The following AOPEP variants were observed in gnomAD, a reference collection of about 807,000 sequenced individuals.
AOPEP encodes aminopeptidase O.
A neutral mutation model predicts 98.1 loss-of-function variants in AOPEP; 77 were observed. That is an observed-to-expected ratio of 0.78 (90% CI 0.65 to 0.95). The LOEUF (loss-of-function observed/expected upper bound fraction) is 0.95, where lower values mean the gene tolerates loss of function less well. AOPEP is among the 40% of genes least tolerant of loss of function. The probability of loss-of-function intolerance (pLI) is 0.00; values close to 1 mark genes in which losing one functional copy is unlikely to be tolerated. For missense variants in AOPEP, 1,024 were observed against 1,024.7 expected, an observed-to-expected ratio of 1.00 and a Z score of 0.01; for synonymous variants, 346 against 365.3, an observed-to-expected ratio of 0.95 and a Z score of 0.60.
At chr9:95,149,242 G>A in the AOPEP span, among the ~76,000 whole-genome samples, 1 of 151,942 alleles carries the variant, frequency 6.6e-6, no homozygotes, top group African/African-American at 2.4e-5. Flanking sequence ...AAAACTCTTG[G>A]GAATGTATGA....
chr9:94,762,923 T>C (rs1359558419), intron 2 of AOPEP, among the ~76,000 whole-genome samples: 1 of 152,236 alleles, frequency 6.6e-6, no homozygotes, highest in Non-Finnish European at 1.5e-5. Flanking sequence ...TTTATGAATA[T>C]AATTGTGTGA....
intron 7 of AOPEP, among the ~76,000 whole-genome samples, chr9:94,953,929 T>A (rs184475423): frequency 1.5e-3 from 235 of 152,290 alleles, no homozygotes; most frequent in Non-Finnish European, 2.6e-3. Flanking sequence ...TACATTTTAT[T>A]TAAAATATTT....
At chr9:94,834,778 G>A (rs2041352035) in intron 5 of AOPEP, among the ~76,000 whole-genome samples, 1 of 151,614 alleles carries the variant, frequency 6.6e-6, no homozygotes, top group Admixed American at 6.6e-5. Flanking sequence ...GGGCAACAGA[G>A]CGAGACTGTC....
At chr9:95,098,428 T>G in the AOPEP span, among the ~76,000 whole-genome samples, 11 of 152,186 alleles carry the variant, frequency 7.2e-5, no homozygotes, top group Admixed American at 6.5e-5. Context: ...CACGAAACCC[T>G]GCCAACCATG....
chr9:94,796,344 C>T (rs141858402), intron 4 of AOPEP, among the ~76,000 whole-genome samples: 3 of 152,302 alleles, frequency 2.0e-5, no homozygotes, highest in Non-Finnish European at 4.4e-5. Flanking sequence ...CTTAGTTCTG[C>T]CCTGGCTGTG....
chr9:94,999,179 T>G (rs1185581947), intron 11 of AOPEP, among the ~76,000 whole-genome samples: 1 of 151,992 alleles, frequency 6.6e-6, no homozygotes, highest in Non-Finnish European at 1.5e-5. Flanking sequence ...AATACTTTAT[T>G]GAGTTATCCT....
chr9:94,875,685 G>C (rs1239475172), intron 5 of AOPEP, among the ~76,000 whole-genome samples: 1 of 152,212 alleles, frequency 6.6e-6, no homozygotes, highest in South Asian at 2.1e-4. Flanking sequence ...AAGAACTGAA[G>C]TAGGTGAGTA....
intron 3 of AOPEP, among the ~76,000 whole-genome samples, chr9:94,792,561 T>G (rs1269183678): frequency 2.0e-5 from 3 of 152,036 alleles, no homozygotes; most frequent in Non-Finnish European, 2.9e-5. Context: ...GACCCAGACC[T>G]TCCTGGTTGC....
At chr9:94,763,225 T>C (rs186512368) in intron 2 of AOPEP, 44 of 283,354 alleles carry the variant, frequency 1.6e-4, no homozygotes, top group African/African-American at 1.0e-3. Flanking sequence ...TCACTTACTG[T>C]ATGCAAAGCT....
intron 1 of AOPEP, among the ~76,000 whole-genome samples, chr9:94,727,579 A>G (rs1829491876): frequency 6.6e-6 from 1 of 152,238 alleles, no homozygotes; most frequent in South Asian, 2.1e-4. Flanking sequence ...TTATTACAAA[A>G]CCAGACAGAA....
At chr9:94,799,930 T>A (rs1051342604) in intron 4 of AOPEP, among the ~76,000 whole-genome samples, 1 of 151,934 alleles carries the variant, frequency 6.6e-6, no homozygotes, top group Non-Finnish European at 1.5e-5. Context: ...ATAAAAGACA[T>A]GTTAGCAGGT....
chr9:95,064,047 T>C (rs2067601721), intron 14 of AOPEP, among the ~76,000 whole-genome samples: 1 of 152,106 alleles, frequency 6.6e-6, no homozygotes, highest in Non-Finnish European at 1.5e-5. Context: ...GAATGTAACC[T>C]TGGGAGGCTC....
Position 94,800,883 on chromosome 9 carries a change from C to G in AOPEP, c.1245C>G (p.Thr415=). The G allele has an allele frequency of 1.2e-6, 2 of 1,614,148 alleles. No homozygotes were observed. Among genetic ancestry groups the G allele is most frequent in the South Asian group, 2.2e-5 (2 of 91,076 alleles). ...PVCLTGACQE[T]LLRLIPPCLS... Reference sequence around the variant, plus strand: ...GCCTCACGGGTGCCTGCCAAGAGACCCTTCTGCGGCTGATCCCTCCTTGCC... The same window carrying G: ...GCCTCACGGGTGCCTGCCAAGAGACGCTTCTGCGGCTGATCCCTCCTTGCC... The change falls in exon 5 of 17, where the codon ACC becomes ACG. Residue 415 remains threonine, a synonymous_variant. Coordinates refer to ENST00000375315, the MANE Select transcript of AOPEP (RefSeq NM_001193329.3).
At chr9:94,837,316 C>T (rs1318557233) in intron 5 of AOPEP, among the ~76,000 whole-genome samples, 1 of 152,198 alleles carries the variant, frequency 6.6e-6, no homozygotes, top group Non-Finnish European at 1.5e-5. Context: ...CAGCCGAACT[C>T]TATCAGACTT....
the AOPEP span, chr9:95,098,998 G>A: frequency 5.7e-6 from 1 of 176,098 alleles, no homozygotes. Flanking sequence ...ACTGTCTGGG[G>A]CCATCGGGGG....
the AOPEP span, chr9:95,113,732 C>T: frequency 6.6e-6 from 1 of 151,864 alleles, no homozygotes; most frequent in Admixed American, 6.6e-5. Context: ...ATGCCATTCT[C>T]CTGCCTCAGC....
chr9:95,146,487 CAAAAAAAAAA>C, the AOPEP span, among the ~76,000 whole-genome samples: 1 of 45,572 alleles, frequency 2.2e-5, no homozygotes, highest in East Asian at 7.7e-4. Flanking sequence ...GACCCCATCT[CAAAAAAAAAA>C]AAAAAAAAAA....
intron 5 of AOPEP, among the ~76,000 whole-genome samples, chr9:94,847,521 G>A (rs972262270): frequency 2.0e-5 from 3 of 152,182 alleles, no homozygotes; most frequent in Admixed American, 6.5e-5. Flanking sequence ...TTGTTAACAC[G>A]TACTTTTCTG....
At chr9:94,741,742 A>C (rs1833180897) in intron 1 of AOPEP, among the ~76,000 whole-genome samples, 2 of 152,156 alleles carry the variant, frequency 1.3e-5, no homozygotes, top group African/African-American at 2.4e-5. Flanking sequence ...GCGGCCCCCC[A>C]AAAAAGAAGG....
Sources: allele counts gnomAD v4.1 joint callset (sites outside exome capture counted in the v4.1 genomes callset), GRCh38; gene constraint gnomAD v4.1.1; transcripts MANE v1.5; gene names NCBI Gene and HGNC (gene_info 2026-07-23, HGNC 2026-07-21).